Variants in RBFOX1 observed in about 807,000 individuals in gnomAD.
RBFOX1 encodes RNA binding protein fox-1 homolog 1.
In RBFOX1, 8 loss-of-function variants were observed where a neutral mutation model predicts 57.7. The observed-to-expected ratio is 0.14, with a 90% confidence interval of 0.08 to 0.25. The LOEUF is 0.25. RBFOX1 is among the 10% of genes least tolerant of loss of function. RBFOX1 has a pLI of 1.00. For missense variants in RBFOX1, 611 were observed against 548.5 expected (o/e 1.11, Z -1.14); for synonymous variants, 326 against 222.4 (o/e 1.47, Z -4.15).
chr16:6,540,698 A>C (rs1164717967), intron 2 of RBFOX1, among the ~76,000 whole-genome samples: 1 of 151,968 alleles, frequency 6.6e-6, no homozygotes, highest in African/African-American at 2.4e-5. Context: ...GTCTGTGTTG[A>C]CAAATTCTTA....
intron 2 of RBFOX1, among the ~76,000 whole-genome samples, chr16:6,520,049 C>G (rs4786878): frequency 0.43 from 65,547 of 151,910 alleles, 14,438 homozygotes; most frequent in East Asian, 0.57. Context: ...TTCCACCGTG[C>G]AGGTGCTAAG....
intron 1 of RBFOX1, among the ~76,000 whole-genome samples, chr16:5,425,972 G>C (rs776834932): frequency 6.6e-6 from 1 of 152,318 alleles, no homozygotes; most frequent in Non-Finnish European, 1.5e-5. Flanking sequence ...ACCCCTGGAA[G>C]GAGAGAGTGT....
At chr16:6,947,004 G>C (rs1225173118) in intron 3 of RBFOX1, among the ~76,000 whole-genome samples, 2 of 152,144 alleles carry the variant, frequency 1.3e-5, no homozygotes, top group Non-Finnish European at 2.9e-5. Context: ...AGCCCTGTTG[G>C]GTTGAGCAAG....
At chr16:7,112,734 C>G (rs2065071133) in intron 4 of RBFOX1, among the ~76,000 whole-genome samples, 1 of 143,270 alleles carries the variant, frequency 7.0e-6, no homozygotes, top group Admixed American at 7.3e-5. Flanking sequence ...GTGAAAAGCT[C>G]TTGTGACCTT....
intron 3 of RBFOX1, among the ~76,000 whole-genome samples, chr16:5,679,573 A>G (rs1315384225): frequency 6.6e-6 from 1 of 151,954 alleles, no homozygotes; most frequent in Non-Finnish European, 1.5e-5. Context: ...CTCATTGTTC[A>G]ACTCCCACTT....
At chr16:7,407,041 C>G (rs1273140693) in intron 4 of RBFOX1, among the ~76,000 whole-genome samples, 2 of 152,148 alleles carry the variant, frequency 1.3e-5, no homozygotes, top group African/African-American at 2.4e-5. Flanking sequence ...AAGATAATCT[C>G]CCCATCTCGA....
chr16:5,428,659 C>T (rs1341064590), intron 1 of RBFOX1, among the ~76,000 whole-genome samples: 1 of 151,986 alleles, frequency 6.6e-6, no homozygotes, highest in Non-Finnish European at 1.5e-5. Flanking sequence ...TAAGCTGAAA[C>T]CTGGAGGGTG....
intron 4 of RBFOX1, among the ~76,000 whole-genome samples, chr16:5,889,640 A>C (rs1427683240): frequency 6.6e-6 from 1 of 152,244 alleles, no homozygotes; most frequent in Admixed American, 6.5e-5. Context: ...AGCAGACTCC[A>C]CACATGTCCT....
intron 1 of RBFOX1, among the ~76,000 whole-genome samples, chr16:5,407,745 C>A (rs1000848836): frequency 6.6e-6 from 1 of 152,172 alleles, no homozygotes; most frequent in Admixed American, 6.5e-5. Context: ...GATGGGGTTT[C>A]ACTGTGTTGG....
chr16:7,222,896 C>T (rs1382723652), intron 4 of RBFOX1, among the ~76,000 whole-genome samples: 1 of 152,138 alleles, frequency 6.6e-6, no homozygotes, highest in Non-Finnish European at 1.5e-5. Context: ...CCAAGAAGTT[C>T]ACTCACTACA....
At chr16:5,348,664 T>C (rs904249977) in intron 1 of RBFOX1, among the ~76,000 whole-genome samples, 2 of 152,208 alleles carry the variant, frequency 1.3e-5, no homozygotes, top group African/African-American at 2.4e-5. Context: ...ATATAAATAG[T>C]AGGCTCTCAA....
chr16:6,607,518 CCTAT>C lies in RBFOX1; in HGVS notation c.-63-47078_-63-47075del, dbSNP rs201889310. On this transcript the variant is annotated intron_variant, in intron 2 of 15. Coordinates refer to ENST00000550418, the MANE Select transcript of RBFOX1 (RefSeq NM_018723.4). ...CCTCTCTCTCCCCTCTCTTCTCTCT[CCTAT>C]CTATCTCCTCTCCCTCTTTCTTCCT... is the stretch of plus-strand genomic sequence containing the variant. Among the ~76,000 whole-genome samples, 544 of 148,546 alleles carry C rather than the reference CCTAT, an allele frequency of 3.7e-3. 1 individual carries two copies. Among genetic ancestry groups the C allele is most frequent in the Admixed American group, 4.8e-3 (72 of 14,870 alleles).
At chr16:6,758,934 GA>G (rs1368583960) in intron 3 of RBFOX1, among the ~76,000 whole-genome samples, 37 of 152,126 alleles carry the variant, frequency 2.4e-4, no homozygotes, top group East Asian at 7.7e-4. Flanking sequence ...AAAGAGTTTA[GA>G]AAGAGGAAAA....
intron 4 of RBFOX1, among the ~76,000 whole-genome samples, chr16:7,464,572 T>G (rs761129754): frequency 6.6e-6 from 1 of 152,082 alleles, no homozygotes; most frequent in Non-Finnish European, 1.5e-5. Flanking sequence ...TAAAAATCCC[T>G]GAGTGTTTGG....
chr16:6,707,216 C>G (rs954001056), intron 3 of RBFOX1, among the ~76,000 whole-genome samples: 7 of 152,146 alleles, frequency 4.6e-5, no homozygotes, highest in East Asian at 1.9e-4. Context: ...AGATTTTGAA[C>G]CAGATCAATA....
intron 1 of RBFOX1, among the ~76,000 whole-genome samples, chr16:6,307,291 G>C (rs905860828): frequency 6.6e-6 from 1 of 152,146 alleles, no homozygotes; most frequent in Non-Finnish European, 1.5e-5. Context: ...GCTGAGGCAG[G>C]AGAATGGTGT....
chr16:7,037,934 A>C (rs1237641378), intron 3 of RBFOX1, among the ~76,000 whole-genome samples: 2 of 152,188 alleles, frequency 1.3e-5, no homozygotes, highest in East Asian at 3.8e-4. Context: ...AAAATTATCA[A>C]CTTCTGATAA....
chr16:6,166,027 A>G (rs1342412169), intron 1 of RBFOX1, among the ~76,000 whole-genome samples: 2 of 152,208 alleles, frequency 1.3e-5, no homozygotes, highest in African/African-American at 4.8e-5. Flanking sequence ...GTACACATAC[A>G]GTGGAGTGGA....
In RBFOX1 at chr16:6,210,377, A is replaced by G. The variant is rs201637967; in HGVS notation, c.-126-106618A>G. On this transcript the variant is annotated intron_variant, in intron 1 of 15. Transcript: ENST00000550418. ...AAAAAACACCAAAAAAAAAAAAAAA[A>G]AGAGAAAGGAAGGAAGGAAAGAAGG... is the stretch of plus-strand genomic sequence containing the variant. Among the ~76,000 whole-genome samples, 395 of 128,456 alleles carry G rather than the reference A, an allele frequency of 3.1e-3. 7 individuals are homozygous for G. The highest frequency in any genetic ancestry group is 8.4e-3 in the Middle Eastern group (2 of 238). The allele number at this position is 128,456 out of a possible 152,430, so 84.3% of individuals were successfully genotyped here.
Sources: gnomAD v4.1 joint callset for allele counts (sites outside exome capture counted in the v4.1 genomes callset) on GRCh38, gnomAD v4.1.1 for gene constraint, MANE v1.5 for transcripts, NCBI Gene and HGNC (gene_info 2026-07-23, HGNC 2026-07-21) for gene names.